The following ARHGAP32 variants were observed in gnomAD, a reference collection of about 807,000 sequenced individuals.
ARHGAP32 encodes Rho GTPase activating protein 32, also known as rho GTPase-activating protein 32.
ARHGAP32 carries 51 observed loss-of-function variants against 186.5 expected under a neutral mutation model. The ratio of observed to expected loss-of-function variants is 0.27; its 90% CI spans 0.22 to 0.35. The LOEUF (loss-of-function observed/expected upper bound fraction) is 0.35, where lower values mean the gene tolerates loss of function less well. ARHGAP32 is among the 10% of genes least tolerant of loss of function. The pLI is 1.00. For synonymous variants in ARHGAP32, 950 were observed against 964.3 expected (o/e 0.99, Z 0.27); for missense variants, 2,186 against 2,623.5 (o/e 0.83, Z 3.64).
intron 10 of ARHGAP32, among the ~76,000 whole-genome samples, chr11:129,045,377 G>A (rs970753209): frequency 2.0e-5 from 3 of 152,238 alleles, no homozygotes; most frequent in South Asian, 2.1e-4. Flanking sequence ...CATCTTTTCC[G>A]CTCAGTTTTT....
chr11:129,197,124 G>A (rs1026715996), upstream of ARHGAP32, among the ~76,000 whole-genome samples: 1 of 152,070 alleles, frequency 6.6e-6, no homozygotes. Flanking sequence ...TACTTCTGTG[G>A]GAAGACTATA....
At chr11:129,141,526 A>G (rs1168988585) in intron 2 of ARHGAP32, among the ~76,000 whole-genome samples, 1 of 152,044 alleles carries the variant, frequency 6.6e-6, no homozygotes, top group East Asian at 1.9e-4. Context: ...AATGTAAATG[A>G]CGAGTTAATG....
chr11:129,111,635 G>A (rs985941489), intron 5 of ARHGAP32, among the ~76,000 whole-genome samples: 2 of 152,118 alleles, frequency 1.3e-5, no homozygotes, highest in South Asian at 2.1e-4. Flanking sequence ...TAGGCTGCAC[G>A]TGCCCAGAAA....
At chr11:129,169,742 C>T (rs1943719225) in intron 1 of ARHGAP32, among the ~76,000 whole-genome samples, 1 of 151,428 alleles carries the variant, frequency 6.6e-6, no homozygotes, top group Non-Finnish European at 1.5e-5. Flanking sequence ...ACCCAATTCA[C>T]CAAACCTGAA....
At chr11:129,238,979 C>T (rs1050761974) in intron 1 of ARHGAP32, among the ~76,000 whole-genome samples, 12 of 151,956 alleles carry the variant, frequency 7.9e-5, no homozygotes, top group Admixed American at 2.0e-4. Flanking sequence ...GGACTACAGG[C>T]ACATACCACC....
intron 13 of ARHGAP32, among the ~76,000 whole-genome samples, chr11:128,987,446 A>T (rs1007095196): frequency 2.6e-5 from 4 of 152,224 alleles, no homozygotes; most frequent in African/African-American, 9.6e-5. Flanking sequence ...TTAAAGTATT[A>T]AAATCTCTAC....
At chr11:129,057,521 C>T (rs966671401) in intron 10 of ARHGAP32, among the ~76,000 whole-genome samples, 1 of 151,944 alleles carries the variant, frequency 6.6e-6, no homozygotes, top group Non-Finnish European at 1.5e-5. Flanking sequence ...GAATTCCTAA[C>T]CCCCAGAAAC....
chr11:129,135,460 T>C (rs1229511652), intron 2 of ARHGAP32, among the ~76,000 whole-genome samples: 1 of 152,190 alleles, frequency 6.6e-6, no homozygotes, highest in Non-Finnish European at 1.5e-5. Flanking sequence ...GTCAATCTGA[T>C]TTCTATATGA....
chr11:129,116,915 T>C (rs1246270800), intron 5 of ARHGAP32, among the ~76,000 whole-genome samples: 6 of 152,036 alleles, frequency 3.9e-5, no homozygotes, highest in African/African-American at 1.4e-4. Context: ...ATTATGTCAT[T>C]TAATTCCCAT....
intron 12 of ARHGAP32, among the ~76,000 whole-genome samples, chr11:128,989,402 A>G (rs1399128320): frequency 6.6e-6 from 1 of 152,068 alleles, no homozygotes; most frequent in African/African-American, 2.4e-5. Context: ...AAGAAATTGT[A>G]TCTTAGAGAG....
intron 10 of ARHGAP32, among the ~76,000 whole-genome samples, chr11:129,059,496 ATTTT>A (rs10677456): frequency 2.6e-5 from 3 of 115,632 alleles, no homozygotes; most frequent in African/African-American, 3.4e-5. Flanking sequence ...CTGATTTGCA[ATTTT>A]TTTTTTTTTT....
chr11:129,093,789 G>A (rs942645107), intron 5 of ARHGAP32, 82 bp from the exon 6 acceptor site: 16 of 927,724 alleles, frequency 1.7e-5, no homozygotes, highest in Middle Eastern at 4.2e-4. Context: ...ATAATACCTG[G>A]AGCATCATCT....
chr11:129,121,177 TG>T (rs990248653), intron 5 of ARHGAP32, among the ~76,000 whole-genome samples: 4 of 151,744 alleles, frequency 2.6e-5, no homozygotes, highest in South Asian at 4.2e-4. Context: ...TTAATATGAT[TG>T]TTTTTTTTTT....
intron 1 of ARHGAP32, among the ~76,000 whole-genome samples, chr11:129,246,353 G>GT (rs2135678433): frequency 6.6e-6 from 1 of 152,274 alleles, no homozygotes; most frequent in East Asian, 1.9e-4. Context: ...GTTAGAAAAA[G>GT]TAATAGCTGG....
At chr11:129,219,613 C>T (rs2135607141) in intron 1 of ARHGAP32, among the ~76,000 whole-genome samples, 1 of 152,240 alleles carries the variant, frequency 6.6e-6, no homozygotes, top group Middle Eastern at 3.4e-3. Context: ...GTCATAGTCT[C>T]TATTTTTCTG....
intron 6 of ARHGAP32, among the ~76,000 whole-genome samples, chr11:129,073,481 C>T (rs1377285205): frequency 6.6e-6 from 1 of 152,010 alleles, no homozygotes; most frequent in Non-Finnish European, 1.5e-5. Flanking sequence ...CTGGACACAG[C>T]TGAGGAAAGA....
intron 5 of ARHGAP32, among the ~76,000 whole-genome samples, chr11:129,098,648 T>A (rs988827579): frequency 6.6e-6 from 1 of 152,134 alleles, no homozygotes; most frequent in Admixed American, 6.6e-5. Context: ...CTTGATCTCC[T>A]GACCCCGTGA....
At chr11:129,179,133 G>C (rs1325823624) in intron 1 of ARHGAP32, among the ~76,000 whole-genome samples, 4 of 152,058 alleles carry the variant, frequency 2.6e-5, no homozygotes, top group East Asian at 1.9e-4. Flanking sequence ...AGTGGGCGAA[G>C]GACATGAACA....
chr11:129,040,868 A>G, intron 11 of ARHGAP32, 60 bp downstream of exon 11: 1 of 1,222,058 alleles, frequency 8.2e-7, no homozygotes, highest in South Asian at 1.3e-5. Flanking sequence ...TGACTGACAG[A>G]AAATCTGTGT....
Sources: gnomAD v4.1 joint callset for allele counts (sites outside exome capture counted in the v4.1 genomes callset) on GRCh38, gnomAD v4.1.1 for gene constraint, MANE v1.5 for transcripts, NCBI Gene and HGNC (gene_info 2026-07-23, HGNC 2026-07-21) for gene names.